The following MCC variants were observed in gnomAD, a reference collection of about 807,000 sequenced individuals.
MCC encodes colorectal mutant cancer protein.
Under a neutral mutation model 116.2 loss-of-function variants are expected in MCC, and 90 were observed. That is an observed-to-expected ratio of 0.77 (90% confidence interval 0.65 to 0.92). MCC has a LOEUF of 0.92. Ranked by LOEUF, MCC falls within the 40% of genes least tolerant of loss-of-function variation. The pLI, the probability that MCC is intolerant of heterozygous loss-of-function variation, is 0.00. For missense variants in MCC, 1,516 were observed against 1,312.2 expected (o/e 1.16, Z -2.40); for synonymous variants, 578 against 510.5 (o/e 1.13, Z -1.78).
At position 113,026,959 on chromosome 5, in the gene MCC, C is replaced by G. The variant is rs1380743300; in HGVS notation, c.*343G>C. On this transcript the variant is annotated 3_prime_UTR_variant, in exon 19 of 19. Coordinates refer to ENST00000408903, the MANE Select transcript of MCC (RefSeq NM_001085377.2). The stretch of plus-strand genomic sequence containing the variant: ...GATACAATGGAAAATCTTACAGAAA[C>G]AAATGTCTGGGATCCCACTGATGCA... 1 of 242,996 alleles carries G rather than the reference C, an allele frequency of 4.1e-6. No individual in the cohort carries two copies. The highest frequency in any genetic ancestry group is 2.2e-5 in the African/African-American group (1 of 44,714). 15.1% of individuals were successfully genotyped at this position (242,996 alleles called of 1,614,324 possible).
intron 14 of MCC, among the ~76,000 whole-genome samples, chr5:113,058,746 T>G (rs1235783645): frequency 2.0e-5 from 3 of 152,236 alleles, no homozygotes; most frequent in African/African-American, 7.2e-5. Context: ...ATAGGAATAC[T>G]AAGGGTTCCT....
chr5:113,147,338 G>A (rs1374691194), intron 4 of MCC, among the ~76,000 whole-genome samples: 2 of 152,100 alleles, frequency 1.3e-5, no homozygotes, highest in Non-Finnish European at 2.9e-5. Context: ...GAGAACTTGA[G>A]CCCCTGTTGG....
chr5:113,042,366 TTGGGAGGCTGGGG>T (rs1397396655), intron 17 of MCC, among the ~76,000 whole-genome samples: 1 of 146,596 alleles, frequency 6.8e-6, no homozygotes, highest in Non-Finnish European at 1.5e-5. Flanking sequence ...TCCTAGCTAC[TTGGGAGGCTGGGG>T]TGGGAGGATC....
chr5:113,190,877 C>A (rs1325276353), intron 3 of MCC, among the ~76,000 whole-genome samples: 2 of 152,164 alleles, frequency 1.3e-5, no homozygotes, highest in Admixed American at 6.5e-5. Flanking sequence ...ATCTCTTGAA[C>A]ACAGCCCCAT....
At chr5:113,353,129 G>A (rs1768322522) in intron 2 of MCC, among the ~76,000 whole-genome samples, 2 of 152,132 alleles carry the variant, frequency 1.3e-5, no homozygotes, top group African/African-American at 4.8e-5. Flanking sequence ...CATGATGGGT[G>A]CTTTCAAGGC....
intron 3 of MCC, among the ~76,000 whole-genome samples, chr5:113,277,367 C>CAA (rs34104526): frequency 7.3e-6 from 1 of 136,110 alleles, no homozygotes; most frequent in Non-Finnish European, 1.6e-5. Context: ...GACTCCATCT[C>CAA]AAAAAAAAAA....
At chr5:113,128,537 CTCT>C (rs542333094) in intron 5 of MCC, among the ~76,000 whole-genome samples, 225 of 152,266 alleles carry the variant, frequency 1.5e-3, no homozygotes, top group Non-Finnish European at 2.5e-3. Context: ...ATACTATCTC[CTCT>C]TATTTTTTCA....
chr5:113,065,957 T>A (rs1317964070), intron 13 of MCC, among the ~76,000 whole-genome samples: 1 of 152,182 alleles, frequency 6.6e-6, no homozygotes, highest in Non-Finnish European at 1.5e-5. Context: ...TCCCTGGAAC[T>A]CCCTCCTGTC....
rs1771713936 is a variant in MCC at position 113,460,484 on chromosome 5, G to T, written c.170+27761C>A. ...CCCAAACACACACCACACACATTGTGAGTCAGTAGCTCACCCCCAGTGGGT... is the reference window on the plus strand; with the variant it reads ...CCCAAACACACACCACACACATTGTTAGTCAGTAGCTCACCCCCAGTGGGT... On this transcript the variant is annotated intron_variant, in intron 1 of 18. Transcript: ENST00000408903. 2.6e-5 allele frequency among the ~76,000 whole-genome samples: 4 copies of T among 152,150 alleles called. No homozygotes were observed. In the South Asian group the frequency reaches 8.3e-4, roughly 32 times the overall value.
rs183164967 is a variant in MCC, at chr5:113,106,522, T to G, written c.1028-2167A>C. Among the ~76,000 whole-genome samples, 111 of 152,314 alleles carry G rather than the reference T, an allele frequency of 7.3e-4. 1 individual carries two copies. Among genetic ancestry groups the G allele is most frequent in the Admixed American group, 5.0e-3 (77 of 15,302 alleles). ...TGTTTCCTTTGTCTAGGCTGATTTT[T>G]TAAAATTTTAATTAAAAAAAAAATA... On this transcript the variant is annotated intron_variant, in intron 6 of 18. Coordinates refer to ENST00000408903, the MANE Select transcript of MCC (RefSeq NM_001085377.2).
intron 1 of MCC, among the ~76,000 whole-genome samples, chr5:113,474,883 C>G (rs1772196617): frequency 6.6e-6 from 1 of 152,194 alleles, no homozygotes; most frequent in South Asian, 2.1e-4. Context: ...CAGCTTAAGA[C>G]TACATCACAT....
intron 3 of MCC, among the ~76,000 whole-genome samples, chr5:113,247,986 T>C (rs1337197597): frequency 2.0e-5 from 3 of 151,832 alleles, no homozygotes; most frequent in African/African-American, 7.3e-5. Context: ...GAATGAGATA[T>C]CCAAGGAGTC....
intron 3 of MCC, among the ~76,000 whole-genome samples, chr5:113,262,445 C>T (rs1431995420): frequency 6.6e-6 from 1 of 152,132 alleles, no homozygotes; most frequent in Non-Finnish European, 1.5e-5. Flanking sequence ...GCTGGGCCCA[C>T]CTTTTATGCC....
At chr5:113,242,621 C>T (rs1764416821) in intron 3 of MCC, among the ~76,000 whole-genome samples, 1 of 151,830 alleles carries the variant, frequency 6.6e-6, no homozygotes, top group African/African-American at 2.4e-5. Flanking sequence ...AAAACTAATG[C>T]CTTCTTAGAC....
intron 3 of MCC, among the ~76,000 whole-genome samples, chr5:113,215,970 T>A (rs1441148376): frequency 6.6e-6 from 1 of 152,222 alleles, no homozygotes; most frequent in Admixed American, 6.5e-5. Flanking sequence ...AAAACTGTTG[T>A]TTCTCAGTTA....
intron 3 of MCC, among the ~76,000 whole-genome samples, chr5:113,281,586 A>C (rs1461360308): frequency 6.6e-6 from 1 of 152,234 alleles, no homozygotes; most frequent in Non-Finnish European, 1.5e-5. Context: ...AAAAGTCATA[A>C]AAATTTAAAA....
intron 1 of MCC, among the ~76,000 whole-genome samples, chr5:113,468,028 T>G (rs1464699588): frequency 2.0e-5 from 3 of 152,234 alleles, no homozygotes; most frequent in African/African-American, 7.2e-5. Context: ...TGCACATTGA[T>G]TTTGTATCCT....
At position 113,220,617 on chromosome 5, in the gene MCC, G is replaced by C. The variant is rs910425923; in HGVS notation, c.628-69195C>G. On this transcript the variant is annotated intron_variant, in intron 3 of 18. Coordinates refer to ENST00000408903, the MANE Select transcript of MCC (RefSeq NM_001085377.2). ...TGTTTTAGAATTTCAATTTCTGATTGTTCATTACTAGAATACAGAAATATA... is the reference window on the plus strand; with the variant it reads ...TGTTTTAGAATTTCAATTTCTGATTCTTCATTACTAGAATACAGAAATATA... Among the ~76,000 whole-genome samples, 12 of 152,126 alleles carry C rather than the reference G, an allele frequency of 7.9e-5. 2 individuals carry two copies. The highest frequency in any genetic ancestry group is 7.8e-4 in the Admixed American group (12 of 15,290).
chr5:113,183,509 C>T (rs1455032755), intron 3 of MCC, among the ~76,000 whole-genome samples: 2 of 148,986 alleles, frequency 1.3e-5, no homozygotes, highest in Non-Finnish European at 2.9e-5. Context: ...CAGCTACCTC[C>T]CTCCCCCAAA....
Sources: gnomAD v4.1 joint callset for allele counts (sites outside exome capture counted in the v4.1 genomes callset) on GRCh38, gnomAD v4.1.1 for gene constraint, MANE v1.5 for transcripts, NCBI Gene and HGNC (gene_info 2026-07-23, HGNC 2026-07-21) for gene names.